TMEM163: variants seen among roughly 807,000 people sequenced by gnomAD.
TMEM163 encodes transmembrane protein 163.
A neutral mutation model predicts 29.3 loss-of-function variants in TMEM163; 17 were observed. The observed-to-expected ratio is 0.58, with a 90% confidence interval of 0.40 to 0.87. The LOEUF (loss-of-function observed/expected upper bound fraction) is 0.87, where lower values mean the gene tolerates loss of function less well. Ranked by LOEUF, TMEM163 falls within the 40% of genes least tolerant of loss-of-function variation. The pLI, the probability that TMEM163 is intolerant of heterozygous loss-of-function variation, is 0.00. For synonymous variants in TMEM163, 157 were observed against 160.6 expected (o/e 0.98, Z 0.17); for missense variants, 303 against 381.5 (o/e 0.79, Z 1.71).
At chr2:134,637,998 A>C (rs1292172376) in intron 2 of TMEM163, among the ~76,000 whole-genome samples, 2 of 152,262 alleles carry the variant, frequency 1.3e-5, no homozygotes, top group Non-Finnish European at 2.9e-5. Flanking sequence ...GGCTTAAAAA[A>C]GTAAACTGCA....
intron 2 of TMEM163, among the ~76,000 whole-genome samples, chr2:134,594,542 C>G (rs966180046): frequency 6.6e-6 from 1 of 152,102 alleles, no homozygotes; most frequent in African/African-American, 2.4e-5. Flanking sequence ...ACACACACAG[C>G]GGGATAAAAA....
At chr2:134,561,321 A>G (rs568439517) in intron 2 of TMEM163, among the ~76,000 whole-genome samples, 1 of 152,314 alleles carries the variant, frequency 6.6e-6, no homozygotes, top group Admixed American at 6.5e-5. Context: ...CTCCAGCCTC[A>G]GCCTCCCGAG....
At chr2:134,559,629 G>A (rs1313533446) in intron 2 of TMEM163, among the ~76,000 whole-genome samples, 1 of 152,082 alleles carries the variant, frequency 6.6e-6, no homozygotes, top group Non-Finnish European at 1.5e-5. Context: ...AAGACCTCAG[G>A]GATGATCATG....
At chr2:134,626,143 C>T (rs188854583) in intron 2 of TMEM163, among the ~76,000 whole-genome samples, 60 of 124,924 alleles carry the variant, frequency 4.8e-4, no homozygotes, top group Admixed American at 1.4e-3. Context: ...CTCGCTCTGT[C>T]GCTCAGGCTG....
In TMEM163 at chr2:134,663,074, C is replaced by T. The variant is rs143547232; in HGVS notation, c.322+50126G>A. Among the ~76,000 whole-genome samples the T allele has an allele frequency of 2.8e-3, 431 of 152,264 alleles. 3 individuals carry two copies. The highest frequency in any genetic ancestry group is 9.7e-3 in the African/African-American group (404 of 41,542). ...TGTTAGGTCTCTTTGTGTGATCAAC[C>T]CTCTATCATAGGCAACCATACTTCA... On this transcript the variant is annotated intron_variant, in intron 2 of 7. Coordinates refer to ENST00000281924, the MANE Select transcript of TMEM163 (RefSeq NM_030923.5).
intron 4 of TMEM163, among the ~76,000 whole-genome samples, chr2:134,513,688 G>A (rs1042613728): frequency 2.6e-5 from 4 of 152,126 alleles, no homozygotes; most frequent in Non-Finnish European, 4.4e-5. Context: ...TCATCCTCCC[G>A]CTTCATGGGT....
At chr2:134,505,040 G>C (rs1382852392) in intron 4 of TMEM163, among the ~76,000 whole-genome samples, 2 of 152,112 alleles carry the variant, frequency 1.3e-5, no homozygotes, top group African/African-American at 4.8e-5. Flanking sequence ...ATGTGCATGA[G>C]AGGTCCCATT....
chr2:134,546,406 G>A (rs371159337), intron 4 of TMEM163, among the ~76,000 whole-genome samples: 2 of 152,340 alleles, frequency 1.3e-5, no homozygotes, highest in East Asian at 3.9e-4. Flanking sequence ...ACTTTGAGAG[G>A]TCAAGGCAGG....
intron 4 of TMEM163, among the ~76,000 whole-genome samples, chr2:134,506,108 CA>C (rs1159170450): frequency 1.3e-5 from 2 of 152,164 alleles, no homozygotes; most frequent in Non-Finnish European, 2.9e-5. Context: ...TAATGAAAAT[CA>C]AAAGAAATTT....
intron 4 of TMEM163, among the ~76,000 whole-genome samples, chr2:134,529,015 C>T (rs1437957576): frequency 6.6e-6 from 1 of 152,116 alleles, no homozygotes; most frequent in Non-Finnish European, 1.5e-5. Context: ...GAACACGTAC[C>T]ATTAGCTCAG....
At chr2:134,561,579 G>A (rs1681185435) in intron 2 of TMEM163, among the ~76,000 whole-genome samples, 1 of 152,170 alleles carries the variant, frequency 6.6e-6, no homozygotes. Flanking sequence ...TCGATCTCCT[G>A]ACCTCGCGAT....
chr2:134,664,173 G>A (rs1683821573), intron 2 of TMEM163, among the ~76,000 whole-genome samples: 1 of 152,238 alleles, frequency 6.6e-6, no homozygotes. Context: ...GAGTACCTCT[G>A]CTTCTTGTTG....
At chr2:134,715,626 G>A (rs16830958) in intron 1 of TMEM163, among the ~76,000 whole-genome samples, 261 of 152,326 alleles carry the variant, frequency 1.7e-3, no homozygotes, top group African/African-American at 5.9e-3. Flanking sequence ...GTAGTATGAT[G>A]ATGTATAAAG....
chr2:134,665,998 G>A (rs891396379), intron 2 of TMEM163, among the ~76,000 whole-genome samples: 1 of 152,182 alleles, frequency 6.6e-6, no homozygotes, highest in African/African-American at 2.4e-5. Flanking sequence ...AATGATGTGT[G>A]TTTCTTGACC....
At chr2:134,547,991 TC>T (rs141953937) in intron 4 of TMEM163, among the ~76,000 whole-genome samples, 2 of 152,236 alleles carry the variant, frequency 1.3e-5, no homozygotes, top group East Asian at 3.9e-4. Flanking sequence ...TGTACGAAAC[TC>T]ATTTCAGCAG....
At chr2:134,707,395 A>T (rs1210575512) in intron 2 of TMEM163, among the ~76,000 whole-genome samples, 1 of 152,256 alleles carries the variant, frequency 6.6e-6, no homozygotes, top group Non-Finnish European at 1.5e-5. Context: ...AAAGGCTGCC[A>T]GCGGAAGAGA....
At chr2:134,580,808 G>T (rs1210850853) in intron 2 of TMEM163, among the ~76,000 whole-genome samples, 2 of 152,174 alleles carry the variant, frequency 1.3e-5, no homozygotes, top group African/African-American at 4.8e-5. Flanking sequence ...ATGTACTCAG[G>T]GGGCTGAGGC....
chr2:134,713,252 C>T lies in TMEM163; in HGVS notation c.270G>A (p.Trp90Ter). The change falls in exon 2 of 8, where the codon TGG becomes TGA. Residue 90 changes from tryptophan to a stop codon, truncating the protein, a stop_gained. Coordinates refer to ENST00000281924, the MANE Select transcript of TMEM163 (RefSeq NM_030923.5). LOFTEE classifies it high-confidence loss of function. ...EAQNYRKKALWVSWFSIIVTL... is the reference protein window; with the variant it reads ...EAQNYRKKAL ...TGACAATGATGGAGAACCAGGACAC[C>T]CACAATGCCTTCTTCCTGTAGTTCT... 6.2e-7 allele frequency: 1 copy of T among 1,614,090 alleles called. No individual in the cohort carries two copies. The highest frequency in any genetic ancestry group is 1.1e-5 in the South Asian group (1 of 91,070).
At chr2:134,552,206 C>A (rs984610080) in intron 2 of TMEM163, 115 bp from the exon 3 acceptor site, 1 of 748,138 alleles carries the variant, frequency 1.3e-6, no homozygotes, top group South Asian at 2.0e-5. Flanking sequence ...GAGAACAAAA[C>A]CAAAAATTAA....
Sources: gnomAD v4.1 joint callset for allele counts (sites outside exome capture counted in the v4.1 genomes callset) on GRCh38, gnomAD v4.1.1 for gene constraint, MANE v1.5 for transcripts, NCBI Gene and HGNC (gene_info 2026-07-23, HGNC 2026-07-21) for gene names.